CRKL: variants seen among roughly 807,000 people sequenced by gnomAD.
CRKL encodes crk-like protein.
A neutral mutation model predicts 23.0 loss-of-function variants in CRKL; 3 were observed. That is an observed-to-expected ratio of 0.13 (90% CI 0.06 to 0.34). The LOEUF (loss-of-function observed/expected upper bound fraction) is 0.34. Among genes scored for constraint, CRKL ranks in the 10% least tolerant of loss-of-function variants. CRKL has a pLI of 1.00. For missense variants in CRKL, 256 were observed against 394.5 expected (o/e 0.65, Z 2.97); for synonymous variants, 188 against 160.7 (o/e 1.17, Z -1.28).
intron 2 of CRKL, 140 bp downstream of exon 2, chr22:20,934,384 G>A (rs888696732): frequency 4.4e-5 from 34 of 779,520 alleles, no homozygotes; most frequent in Non-Finnish European, 6.1e-5. Context: ...CACTGTTAGC[G>A]TTTCATTTTA....
At chr22:20,947,236 TC>T (rs1569138558) in intron 2 of CRKL, among the ~76,000 whole-genome samples, 53 of 143,380 alleles carry the variant, frequency 3.7e-4, no homozygotes, top group African/African-American at 1.4e-3. Flanking sequence ...TTTCTGTCTC[TC>T]TCTCTTTTTT....
intron 1 of CRKL, among the ~76,000 whole-genome samples, chr22:20,929,039 A>G (rs1921340222): frequency 6.6e-6 from 1 of 152,206 alleles, no homozygotes; most frequent in African/African-American, 2.4e-5. Flanking sequence ...AAGAAAAGTC[A>G]GTTACGAATT....
At chr22:20,919,924 A>G (rs777256895) in intron 1 of CRKL, among the ~76,000 whole-genome samples, 5 of 152,208 alleles carry the variant, frequency 3.3e-5, no homozygotes, top group Admixed American at 1.3e-4. Context: ...GAAAGTGATT[A>G]TAAATCAAAT....
Position 20,950,396 on chromosome 22 carries a change from TTTTGTTTTGTTTTG to T in CRKL, c.*569_*582del, listed in dbSNP as rs1019809338. ...TAATTAGACTTGTGTGGGGGTTTTT[TTTTGTTTTGTTTTG>T]TTTGTTTTGTTTTGTTTTTTTGAGA... On this transcript the variant is annotated 3_prime_UTR_variant, in exon 3 of 3. Transcript: ENST00000354336. 4.3e-5 allele frequency: 10 copies of T among 233,042 alleles called. No individual in the cohort carries two copies. The highest frequency in any genetic ancestry group is 3.6e-4 in the South Asian group (2 of 5,514). The allele number at this position is 233,042 out of a possible 1,614,324, so 14.4% of individuals were successfully genotyped here.
chr22:20,932,314 T>C (rs757030354), intron 1 of CRKL, among the ~76,000 whole-genome samples: 14 of 152,070 alleles, frequency 9.2e-5, no homozygotes, highest in Admixed American at 1.3e-4. Context: ...TTTGATATGT[T>C]GGACAGGCAG....
At chr22:20,942,547 G>A (rs932379104) in intron 2 of CRKL, among the ~76,000 whole-genome samples, 2 of 152,136 alleles carry the variant, frequency 1.3e-5, no homozygotes, top group African/African-American at 4.8e-5. Context: ...ACACACAAAT[G>A]TTTGAGTCCT....
intron 1 of CRKL, among the ~76,000 whole-genome samples, chr22:20,927,504 G>C (rs1423089996): frequency 2.3e-5 from 2 of 88,880 alleles, no homozygotes; most frequent in East Asian, 4.6e-4. Flanking sequence ...CTGGAATTAA[G>C]TTTTCTACCT....
In CRKL at chr22:20,925,241, C is replaced by G. The variant is rs182961468; in HGVS notation, c.311+6996C>G. On this transcript the variant is annotated intron_variant, in intron 1 of 2. Transcript: ENST00000354336. ...CCCATGGAAAGTACTAGTAGCCATT[C>G]GATTTGTGACTTTTAAAACTCAAAT... Among the ~76,000 whole-genome samples, 3 of 148,236 alleles carry G rather than the reference C, an allele frequency of 2.0e-5. No individual in the cohort carries two copies. In the East Asian group the frequency reaches 6.0e-4, roughly 30 times the overall value.
At chr22:20,928,809 T>C (rs1352647982) in intron 1 of CRKL, among the ~76,000 whole-genome samples, 1 of 57,838 alleles carries the variant, frequency 1.7e-5, no homozygotes, top group Non-Finnish European at 2.9e-5. Flanking sequence ...CGAGATCCCA[T>C]CTCAAAAAAA....
chr22:20,921,332 T>C (rs1366730607), intron 1 of CRKL, among the ~76,000 whole-genome samples: 1 of 152,220 alleles, frequency 6.6e-6, no homozygotes, highest in Non-Finnish European at 1.5e-5. Flanking sequence ...TTCATTAGAA[T>C]GCTTCATAAT....
At position 20,949,880 on chromosome 22, in the gene CRKL, C is replaced by G. The variant is rs759848266; in HGVS notation, c.*35C>G. 1.3e-6 allele frequency: 2 copies of G among 1,588,996 alleles called. No individual in the cohort carries two copies. Among genetic ancestry groups the G allele is most frequent in the Non-Finnish European group, 1.7e-6 (2 of 1,169,614 alleles). On this transcript the variant is annotated 3_prime_UTR_variant, in exon 3 of 3. Coordinates refer to ENST00000354336, the MANE Select transcript of CRKL (RefSeq NM_005207.4). ...CCCTGTTTCCTGCTGCTTTGTTGTT[C>G]TGCCTGTCCTAGTCTCCTTTGAAGT... is the stretch of plus-strand genomic sequence containing the variant.
intron 1 of CRKL, among the ~76,000 whole-genome samples, chr22:20,930,525 G>A (rs769910080): frequency 1.3e-5 from 2 of 152,020 alleles, no homozygotes; most frequent in Non-Finnish European, 2.9e-5. Flanking sequence ...GCCTACAGGC[G>A]CACGCCACCA....
chr22:20,937,149 G>T (rs1291461096), intron 2 of CRKL, among the ~76,000 whole-genome samples: 1 of 151,916 alleles, frequency 6.6e-6, no homozygotes, highest in African/African-American at 2.4e-5. Flanking sequence ...GCTGCACCTG[G>T]CCAGGCCTTC....
At chr22:20,937,139 G>A (rs1219366496) in intron 2 of CRKL, among the ~76,000 whole-genome samples, 1 of 152,080 alleles carries the variant, frequency 6.6e-6, no homozygotes, top group Non-Finnish European at 1.5e-5. Context: ...GGCGTGAGCC[G>A]CTGCACCTGG....
At chr22:20,934,545 T>A in intron 2 of CRKL, among the ~76,000 whole-genome samples, 1 of 151,650 alleles carries the variant, frequency 6.6e-6, no homozygotes, top group Non-Finnish European at 1.5e-5. Context: ...CCATTATTAG[T>A]GTTTCACAGC....
At chr22:20,935,930 G>C (rs1216129075) in intron 2 of CRKL, among the ~76,000 whole-genome samples, 1 of 152,130 alleles carries the variant, frequency 6.6e-6, no homozygotes, top group Non-Finnish European at 1.5e-5. Flanking sequence ...CGAGGCTGGT[G>C]GATAACTTGA....
rs9613388 is a variant in CRKL, at chr22:20,951,185, G to T, written c.*1340G>T. ...GAATCGTTCAACTCCACTCACTGAA[G>T]CCCAGACCTCCGTGCCCAGGCCCAA... On this transcript the variant is annotated 3_prime_UTR_variant, in exon 3 of 3. Transcript: ENST00000354336. 5,637 of 232,378 alleles carry T rather than the reference G, an allele frequency of 0.024. 84 individuals are homozygous for T. The highest frequency in any genetic ancestry group is 0.04 in the Middle Eastern group (31 of 782). The allele number at this position is 232,378 out of a possible 1,614,324, so 14.4% of individuals were successfully genotyped here.
intron 1 of CRKL, 83 bp downstream of exon 1, chr22:20,918,328 G>T (rs75659674): frequency 0.026 from 37,406 of 1,454,656 alleles, 563 homozygotes; most frequent in Middle Eastern, 0.03. Context: ...GGTGGGGCGC[G>T]CTTGAACCCA....
At chr22:20,926,822 T>G (rs1369376444) in intron 1 of CRKL, among the ~76,000 whole-genome samples, 1 of 151,922 alleles carries the variant, frequency 6.6e-6, no homozygotes, top group African/African-American at 2.4e-5. Flanking sequence ...TAAAGAATGG[T>G]GGTTACTGGC....
Sources: gnomAD v4.1 joint callset for allele counts (sites outside exome capture counted in the v4.1 genomes callset) on GRCh38, gnomAD v4.1.1 for gene constraint, MANE v1.5 for transcripts, NCBI Gene and HGNC (gene_info 2026-07-23, HGNC 2026-07-21) for gene names.